The following NEDD4 variants were observed in gnomAD, a reference collection of about 807,000 sequenced individuals.
NEDD4 encodes the protein NEDD4 E3 ubiquitin protein ligase.
A neutral mutation model predicts 144.9 loss-of-function variants in NEDD4; 99 were observed. That is an observed-to-expected ratio of 0.68 (90% CI 0.58 to 0.81). The LOEUF (loss-of-function observed/expected upper bound fraction) is 0.81. Among genes scored for constraint, NEDD4 ranks in the 30% least tolerant of loss-of-function variants. NEDD4 has a pLI of 0.00. For missense variants in NEDD4, 985 were observed against 1,065.9 expected (o/e 0.92, Z 1.06); for synonymous variants, 318 against 350.6 (o/e 0.91, Z 1.04).
Position 55,936,841 on chromosome 15 carries a change from G to T in NEDD4, c.238-12142C>A, listed in dbSNP as rs185626639. Among the ~76,000 whole-genome samples the T allele has an allele frequency of 1.3e-4, 19 of 149,934 alleles. 1 individual carries two copies. In the East Asian group the frequency reaches 3.7e-3, roughly 29 times the overall value. On this transcript the variant is annotated intron_variant, in intron 4 of 28. Transcript: ENST00000435532. ...GAGTTTCACTCTTGTCACCCAGGCT[G>T]GAGCACAATGGTGTGAACTCGGCTC...
At chr15:55,874,969 G>C (rs1308738546) in intron 5 of NEDD4, among the ~76,000 whole-genome samples, 1 of 133,334 alleles carries the variant, frequency 7.5e-6, no homozygotes, top group East Asian at 2.1e-4. Context: ...GTAAGACTCC[G>C]CTCAAAAAGA....
intron 1 of NEDD4, among the ~76,000 whole-genome samples, chr15:55,975,553 C>G (rs909762864): frequency 2.0e-5 from 3 of 151,664 alleles, no homozygotes; most frequent in Non-Finnish European, 2.9e-5. Flanking sequence ...AATTAAACAA[C>G]TAGGAATAAA....
At chr15:55,931,244 T>C (rs1221823241) in intron 4 of NEDD4, among the ~76,000 whole-genome samples, 3 of 152,176 alleles carry the variant, frequency 2.0e-5, no homozygotes, top group African/African-American at 7.2e-5. Context: ...GAAATCAACT[T>C]GGAACATGCA....
At chr15:55,944,321 G>T (rs2037067486) in intron 4 of NEDD4, among the ~76,000 whole-genome samples, 1 of 152,240 alleles carries the variant, frequency 6.6e-6, no homozygotes, top group Non-Finnish European at 1.5e-5. Flanking sequence ...TCAACTGGCA[G>T]ACCAGGAGAT....
chr15:55,957,712 G>A (rs906761510), intron 2 of NEDD4, among the ~76,000 whole-genome samples: 2 of 152,098 alleles, frequency 1.3e-5, no homozygotes, highest in African/African-American at 4.8e-5. Context: ...GCAAAGACTT[G>A]GAACCAACCC....
intron 1 of NEDD4, 118 bp downstream of exon 1, chr15:55,993,393 C>G: frequency 3.8e-6 from 5 of 1,318,488 alleles, no homozygotes; most frequent in Non-Finnish European, 5.2e-6. Flanking sequence ...AGGCTCGCGC[C>G]GAGGGAGGAG....
At chr15:55,983,210 T>C (rs1295949165) in intron 1 of NEDD4, among the ~76,000 whole-genome samples, 2 of 152,024 alleles carry the variant, frequency 1.3e-5, no homozygotes, top group East Asian at 3.9e-4. Context: ...AATAAAGAAA[T>C]AACTAGCAAA....
chr15:55,876,695 C>G (rs2035006478), intron 5 of NEDD4, among the ~76,000 whole-genome samples: 1 of 152,042 alleles, frequency 6.6e-6, no homozygotes, highest in African/African-American at 2.4e-5. Flanking sequence ...ACTGCACATT[C>G]TGAGAGCTAA....
intron 5 of NEDD4, chr15:55,917,070 A>G: frequency 8.0e-7 from 1 of 1,249,792 alleles, no homozygotes; most frequent in South Asian, 3.1e-5. Context: ...CTTGTAGTCA[A>G]AATGCCTTCA....
At chr15:55,878,885 C>T (rs1383379210) in intron 5 of NEDD4, among the ~76,000 whole-genome samples, 17 of 152,208 alleles carry the variant, frequency 1.1e-4, no homozygotes, top group African/African-American at 2.4e-4. Context: ...TGCAATGGCG[C>T]GATCTCGACT....
intron 4 of NEDD4, among the ~76,000 whole-genome samples, chr15:55,929,716 T>C (rs2036743682): frequency 6.6e-6 from 1 of 152,204 alleles, no homozygotes. Context: ...TTCTGTTTTA[T>C]CACTGTTAAG....
Position 55,860,545 on chromosome 15 carries a change from G to C in NEDD4, c.822C>G (p.Ala274=). ...GGAAGGCCTGGTTGCTATACATGGT[G>C]GCTTCATCTTCTCTTATAATTTCCC... ...ENWEIIREDE[A]TMYSNQAFPS... Residue 274 remains alanine, a synonymous_variant, in exon 11 of 29, where the codon GCC becomes GCG. Transcript: ENST00000435532. The C allele has an allele frequency of 6.2e-7, 1 of 1,613,976 alleles. No homozygotes were observed. Among genetic ancestry groups the C allele is most frequent in the East Asian group, 2.2e-5 (1 of 44,884 alleles).
At chr15:55,906,152 G>A (rs1166671563) in intron 5 of NEDD4, among the ~76,000 whole-genome samples, 1 of 152,154 alleles carries the variant, frequency 6.6e-6, no homozygotes, top group Non-Finnish European at 1.5e-5. Context: ...GAGAGGATGT[G>A]GAGAAATAGG....
At chr15:55,906,223 G>T (rs1278309219) in intron 5 of NEDD4, among the ~76,000 whole-genome samples, 2 of 152,210 alleles carry the variant, frequency 1.3e-5, no homozygotes, top group Non-Finnish European at 2.9e-5. Flanking sequence ...AGACAGTGTG[G>T]CGATTCCTCA....
chr15:55,952,345 T>C (rs1391493576), intron 2 of NEDD4, among the ~76,000 whole-genome samples: 2 of 151,490 alleles, frequency 1.3e-5, no homozygotes, highest in African/African-American at 4.9e-5. Context: ...AAAAATAAAA[T>C]AAAATAAAAT....
intron 26 of NEDD4, among the ~76,000 whole-genome samples, chr15:55,833,456 G>A (rs1334744818): frequency 1.6e-4 from 25 of 151,988 alleles, no homozygotes; most frequent in African/African-American, 6.0e-4. Context: ...TCAGGAGTTT[G>A]AGACCAGCCT....
intron 5 of NEDD4, among the ~76,000 whole-genome samples, chr15:55,920,391 A>G (rs1912404): frequency 0.77 from 117,337 of 152,026 alleles, 45,526 homozygotes; most frequent in African/African-American, 0.83. Flanking sequence ...ACAGGTGTAT[A>G]TCTTAGACTG....
At chr15:55,915,908 A>C in intron 5 of NEDD4, 1 of 1,614,000 alleles carries the variant, frequency 6.2e-7, no homozygotes, top group South Asian at 1.1e-5. Context: ...CATCCTCATT[A>C]TGTGCAATTT....
Position 55,897,176 on chromosome 15 carries a change from T to C in NEDD4, c.292-23168A>G, listed in dbSNP as rs549051897. 4.6e-5 allele frequency among the ~76,000 whole-genome samples: 7 copies of C among 152,246 alleles called. No homozygotes were observed. In the South Asian group the frequency reaches 1.5e-3, roughly 32 times the overall value. On this transcript the variant is annotated intron_variant, in intron 5 of 28. Coordinates refer to ENST00000435532, the MANE Select transcript of NEDD4 (RefSeq NM_006154.4). ...TTTTTGTAGAGATGGGGTTTCACTG[T>C]GTTACCCAGGATGGTCTCGATCTCC...
Sources: gnomAD v4.1 joint callset for allele counts (sites outside exome capture counted in the v4.1 genomes callset) on GRCh38, gnomAD v4.1.1 for gene constraint, MANE v1.5 for transcripts, NCBI Gene and HGNC (gene_info 2026-07-23, HGNC 2026-07-21) for gene names.